Variants in RB1CC1 observed in about 807,000 individuals in gnomAD.
RB1CC1 encodes the protein RB1-inducible coiled-coil protein 1.
A neutral mutation model predicts 177.5 loss-of-function variants in RB1CC1; 46 were observed. The ratio of observed to expected loss-of-function variants is 0.26; its 90% CI spans 0.20 to 0.33. RB1CC1 has a LOEUF of 0.33. Ranked by LOEUF, RB1CC1 falls within the 10% of genes least tolerant of loss-of-function variation. The probability of loss-of-function intolerance (pLI) is 1.00; values close to 1 mark genes in which losing one functional copy is unlikely to be tolerated. For synonymous variants in RB1CC1, 666 were observed against 613.6 expected, an observed-to-expected ratio of 1.09 and a Z score of -1.26; for missense variants, 1,703 against 1,816.3, an observed-to-expected ratio of 0.94 and a Z score of 1.13.
intron 21 of RB1CC1, among the ~76,000 whole-genome samples, chr8:52,629,312 T>C (rs1188587263): frequency 1.3e-5 from 2 of 152,226 alleles, no homozygotes; most frequent in Non-Finnish European, 2.9e-5. Flanking sequence ...ACACTATTCA[T>C]AAGTTGCTAA....
At chr8:52,646,238 G>C (rs1481772392) in intron 15 of RB1CC1, among the ~76,000 whole-genome samples, 2 of 152,052 alleles carry the variant, frequency 1.3e-5, no homozygotes, top group African/African-American at 4.8e-5. Flanking sequence ...CCAGGCGGGA[G>C]GATCACTTGA....
At chr8:52,702,849 GA>G (rs1010536205) in intron 1 of RB1CC1, among the ~76,000 whole-genome samples, 17 of 148,260 alleles carry the variant, frequency 1.1e-4, no homozygotes, top group African/African-American at 3.7e-4. Context: ...GGCTGTTGCA[GA>G]AAAAAAAAAG....
chr8:52,668,120 A>T lies in RB1CC1; in HGVS notation c.1074T>A (p.Asn358Lys), dbSNP rs1852237275. The T allele has an allele frequency of 1.2e-6, 2 of 1,614,008 alleles. No homozygotes were observed. Among genetic ancestry groups the T allele is most frequent in the Non-Finnish European group, 1.7e-6 (2 of 1,180,000 alleles). The change falls in exon 8 of 24, where the codon AAT becomes AAA. Residue 358 changes from asparagine (N) to lysine (K), a missense_variant. Transcript: ENST00000025008. The stretch of plus-strand genomic sequence containing the variant: ...CTTCAAGTCCTTTAATGGCTTTCAT[A>T]TTCTGATTATCAAGTTTGGCAATAG... Reference protein sequence around the residue: ...RQTIAKLDNQNMKAIKGLEDR... With the variant: ...RQTIAKLDNQKMKAIKGLEDR...
At chr8:52,661,034 A>T (rs748809626) in intron 10 of RB1CC1, 27 bp from the exon 11 acceptor site, 9 of 1,611,170 alleles carry the variant, frequency 5.6e-6, no homozygotes, top group Non-Finnish European at 5.9e-6. Flanking sequence ...TATGTTAAAC[A>T]TAAACATACA....
At position 52,645,860 on chromosome 8, in the gene RB1CC1, T is replaced by C. The variant is rs944657026; in HGVS notation, c.3829A>G (p.Ile1277Val). 1.1e-5 allele frequency: 17 copies of C among 1,588,468 alleles called. No individual in the cohort carries two copies. The highest frequency in any genetic ancestry group is 1.4e-5 in the Non-Finnish European group (17 of 1,173,662). The change falls in exon 16 of 24, where the codon ATT (isoleucine) becomes GTT (valine). Residue 1277 changes from isoleucine to valine, a missense_variant. Coordinates refer to ENST00000025008, the MANE Select transcript of RB1CC1 (RefSeq NM_014781.5). Reference sequence around the variant, plus strand: ...GAAGAATCTCCTCTGGTAGAGTCAATGGCAGGACTTACAAATTAAATACAG... The same window carrying C: ...GAAGAATCTCCTCTGGTAGAGTCAACGGCAGGACTTACAAATTAAATACAG... ...LENQIAKSPA[I>V]DSTRGDSSSL...
At chr8:52,628,584 T>C (rs780852816) in intron 21 of RB1CC1, among the ~76,000 whole-genome samples, 1 of 152,166 alleles carries the variant, frequency 6.6e-6, no homozygotes, top group Non-Finnish European at 1.5e-5. Context: ...TCTCCAAGCG[T>C]AGTGCTCTTC....
At chr8:52,647,312 C>T (rs1036937164) in intron 15 of RB1CC1, among the ~76,000 whole-genome samples, 1 of 152,010 alleles carries the variant, frequency 6.6e-6, no homozygotes, top group Non-Finnish European at 1.5e-5. Flanking sequence ...TTACTTAGTT[C>T]CCAGAAAGGC....
intron 20 of RB1CC1, among the ~76,000 whole-genome samples, chr8:52,634,467 A>T (rs950621840): frequency 6.6e-6 from 1 of 152,012 alleles, no homozygotes; most frequent in African/African-American, 2.4e-5. Flanking sequence ...TGGAGGTTGC[A>T]GTGAGTCGAG....
intron 18 of RB1CC1, among the ~76,000 whole-genome samples, chr8:52,641,585 C>G (rs16918019): frequency 6.6e-6 from 1 of 151,682 alleles, no homozygotes; most frequent in Non-Finnish European, 1.5e-5. Flanking sequence ...GAGGGGACCA[C>G]GCTGATTCTA....
chr8:52,635,950 G>T, intron 19 of RB1CC1, 65 bp downstream of exon 19: 2 of 1,551,320 alleles, frequency 1.3e-6, no homozygotes, highest in East Asian at 2.3e-5. Flanking sequence ...TTTCCAGAAT[G>T]AAGTTTAACT....
chr8:52,648,580 G>C (rs533600358), intron 15 of RB1CC1, among the ~76,000 whole-genome samples: 45 of 152,238 alleles, frequency 3.0e-4, no homozygotes, highest in Admixed American at 1.2e-3. Flanking sequence ...AAATACAGTA[G>C]TCCCCCTTTA....
rs747973360 is a variant in RB1CC1 at position 52,630,541 on chromosome 8, A to G, written c.4441-13T>C. 1.3e-5 allele frequency: 21 copies of G among 1,562,668 alleles called. No homozygotes were observed. Among genetic ancestry groups the G allele is most frequent in the African/African-American group, 1.4e-5 (1 of 71,830 alleles). ...TGCTCTGAGACATCTAAAAAAAAAA[A>G]AAAAGTTTATGAACTTACACAATTT... On this transcript the variant is annotated splice_polypyrimidine_tract_variant and intron_variant, in intron 20 of 23. Transcript: ENST00000025008.
At chr8:52,676,755 G>A (rs1853166368) in intron 5 of RB1CC1, among the ~76,000 whole-genome samples, 184 bp from the exon 6 acceptor site, 2 of 152,072 alleles carry the variant, frequency 1.3e-5, no homozygotes, top group African/African-American at 4.8e-5. Flanking sequence ...CATAAGTGAG[G>A]TGTTTCCGAG....
rs532564882 is a variant in RB1CC1, at chr8:52,686,183, T to C, written c.-51-663A>G. 2.6e-5 allele frequency: 4 copies of C among 152,360 alleles called. No homozygotes were observed. In the East Asian group the frequency reaches 7.7e-4, roughly 29 times the overall value. The allele number at this position is 152,360 out of a possible 1,614,324, so 9.4% of individuals were successfully genotyped here. A position where few individuals can be genotyped will look rare whatever the true frequency, so the allele number is the denominator to read the frequency against. On this transcript the variant is annotated intron_variant, in intron 2 of 23. Coordinates refer to ENST00000025008, the MANE Select transcript of RB1CC1 (RefSeq NM_014781.5). ...TGGAGATCAGAATATTTAAAACAAC[T>C]CTGTGATTAACATGCCCAAGGAAAA...
In RB1CC1 at chr8:52,678,793, A is replaced by T. The variant is rs1853401521; in HGVS notation, c.370-2222T>A. On this transcript the variant is annotated intron_variant, in intron 5 of 23. Coordinates refer to ENST00000025008, the MANE Select transcript of RB1CC1 (RefSeq NM_014781.5). The stretch of plus-strand genomic sequence containing the variant: ...GTACAATGATATGAATGTAAAGAGC[A>T]CTGGCCTTGGAGAAAAGAGGTTCTT... Among the ~76,000 whole-genome samples the T allele has an allele frequency of 2.6e-5, 4 of 152,354 alleles. No individual in the cohort carries two copies. In the South Asian group the frequency reaches 6.2e-4, roughly 24 times the overall value.
At chr8:52,658,720 G>A (rs1275796419) in intron 13 of RB1CC1, among the ~76,000 whole-genome samples, 153 bp downstream of exon 13, 1 of 151,292 alleles carries the variant, frequency 6.6e-6, no homozygotes, top group Non-Finnish European at 1.5e-5. Context: ...TTATTCCCCA[G>A]AAATTTCTCA....
At chr8:52,649,226 A>G (rs1041315929) in intron 15 of RB1CC1, among the ~76,000 whole-genome samples, 2 of 152,202 alleles carry the variant, frequency 1.3e-5, no homozygotes, top group African/African-American at 4.8e-5. Flanking sequence ...AGAAACTTGC[A>G]TAATCCTGTC....
rs1852697604 is a variant in RB1CC1 at position 52,672,545 on chromosome 8, C to T, written c.1002+1300G>A. Among the ~76,000 whole-genome samples the T allele has an allele frequency of 2.6e-5, 4 of 152,144 alleles. No homozygotes were observed. The South Asian group carries it at 8.3e-4, about 32-fold the overall frequency. Reference sequence around the variant, plus strand: ...ACTGCTTGAGCCCGGCAATCTGAGACCAGGCTAAGCAACATAGGAAGAAGA... The same window carrying T: ...ACTGCTTGAGCCCGGCAATCTGAGATCAGGCTAAGCAACATAGGAAGAAGA... On this transcript the variant is annotated intron_variant, in intron 7 of 23. Coordinates refer to ENST00000025008, the MANE Select transcript of RB1CC1 (RefSeq NM_014781.5).
intron 15 of RB1CC1, among the ~76,000 whole-genome samples, chr8:52,652,071 G>A (rs1563378239): frequency 6.6e-6 from 1 of 152,076 alleles, no homozygotes; most frequent in Non-Finnish European, 1.5e-5. Context: ...CATAAGGTTG[G>A]ATTTTTTTTC....
Sources: gnomAD v4.1 joint callset for allele counts (sites outside exome capture counted in the v4.1 genomes callset) on GRCh38, gnomAD v4.1.1 for gene constraint, MANE v1.5 for transcripts, NCBI Gene and HGNC (gene_info 2026-07-23, HGNC 2026-07-21) for gene names.